Variants in KCNIP4 observed in about 807,000 individuals in gnomAD.
KCNIP4 encodes the protein Kv channel-interacting protein 4.
A neutral mutation model predicts 34.0 loss-of-function variants in KCNIP4; 12 were observed. The observed-to-expected ratio is 0.35, with a 90% confidence interval of 0.23 to 0.57. KCNIP4 has a LOEUF of 0.57. KCNIP4 is among the 20% of genes least tolerant of loss of function. KCNIP4 has a pLI of 0.83. For synonymous variants in KCNIP4, 124 were observed against 102.2 expected (o/e 1.21, Z -1.29); for missense variants, 238 against 311.7 (o/e 0.76, Z 1.78).
At chr4:21,206,579 G>T (rs947842886) in intron 1 of KCNIP4, among the ~76,000 whole-genome samples, 1 of 152,262 alleles carries the variant, frequency 6.6e-6, no homozygotes. Context: ...CTGAGAATCA[G>T]GCCTAGATTC....
At chr4:21,364,974 G>T (rs1463069180) in intron 1 of KCNIP4, among the ~76,000 whole-genome samples, 1 of 152,058 alleles carries the variant, frequency 6.6e-6, no homozygotes, top group African/African-American at 2.4e-5. Flanking sequence ...AGGAATTATG[G>T]TATTCGTTCA....
intron 1 of KCNIP4, among the ~76,000 whole-genome samples, chr4:21,442,231 G>A (rs1419245306): frequency 6.6e-6 from 1 of 151,660 alleles, no homozygotes; most frequent in Non-Finnish European, 1.5e-5. Flanking sequence ...GATTCGCCAG[G>A]AGGAAAAAAA....
intron 1 of KCNIP4, among the ~76,000 whole-genome samples, chr4:21,205,292 A>G (rs1464772972): frequency 1.3e-5 from 2 of 152,108 alleles, no homozygotes; most frequent in African/African-American, 4.8e-5. Flanking sequence ...CTGCATCTTT[A>G]TATCTTTTTT....
In KCNIP4 at chr4:21,696,753, T is replaced by C. The variant is rs551158000; in HGVS notation, c.61+251818A>G. Among the ~76,000 whole-genome samples, 11 of 152,304 alleles carry C rather than the reference T, an allele frequency of 7.2e-5. No individual in the cohort carries two copies. In the South Asian group the frequency reaches 2.1e-3, roughly 29 times the overall value. On this transcript the variant is annotated intron_variant, in intron 1 of 8. Transcript: ENST00000382152. The stretch of plus-strand genomic sequence containing the variant: ...TTAAATAGAATTTCTATTTCAATCA[T>C]GAAAATTTTTAAACATTGAAATCCA...
rs547041473 is a variant in KCNIP4, at chr4:20,729,204, A to C, written c.*878T>G. 5 of 152,004 alleles carry C rather than the reference A, an allele frequency of 3.3e-5. No individual in the cohort carries two copies. In the East Asian group the frequency reaches 1.0e-3, roughly 31 times the overall value. 9.4% of individuals were successfully genotyped at this position (152,004 alleles called of 1,614,324 possible). ...AGATTTGGCCTTTAATGCTGTTAGG[A>C]TTACTTGTTATTAAGCATTACTATA... On this transcript the variant is annotated 3_prime_UTR_variant, in exon 9 of 9. Transcript: ENST00000382152.
chr4:21,182,400 C>T (rs373981109), intron 1 of KCNIP4, among the ~76,000 whole-genome samples: 1 of 147,936 alleles, frequency 6.8e-6, no homozygotes, highest in East Asian at 2.0e-4. Flanking sequence ...TTACTTTCAA[C>T]TTTTCCTCTT....
intron 1 of KCNIP4, among the ~76,000 whole-genome samples, chr4:21,783,934 T>C (rs1024525839): frequency 6.6e-6 from 1 of 152,156 alleles, no homozygotes; most frequent in Non-Finnish European, 1.5e-5. Context: ...TTTCATAAGC[T>C]TTGTAGAAAT....
In KCNIP4 at chr4:21,293,529, AGGCATGAAGTCTAAATG is replaced by A. The variant is rs1763663563; in HGVS notation, c.62-410837_62-410821del. 2.6e-5 allele frequency among the ~76,000 whole-genome samples: 4 copies of A among 152,306 alleles called. No individual in the cohort carries two copies. The South Asian group carries it at 8.3e-4, about 32-fold the overall frequency. On this transcript the variant is annotated intron_variant, in intron 1 of 8. Coordinates refer to ENST00000382152, the MANE Select transcript of KCNIP4 (RefSeq NM_025221.6). Reference sequence around the variant, plus strand: ...CAAATAATCCCATCCTAATTGTGTCAGGCATGAAGTCTAAATGGCCACAGAGATAGGCAGAGAGACAG... The same window carrying A: ...CAAATAATCCCATCCTAATTGTGTCAGCCACAGAGATAGGCAGAGAGACAG...
At chr4:21,669,132 C>T (rs954499884) in intron 1 of KCNIP4, among the ~76,000 whole-genome samples, 4 of 151,844 alleles carry the variant, frequency 2.6e-5, no homozygotes, top group Non-Finnish European at 5.9e-5. Flanking sequence ...TCCCTCCCTC[C>T]CTCCCTTCCT....
At chr4:21,626,322 A>G (rs1745317903) in intron 1 of KCNIP4, among the ~76,000 whole-genome samples, 1 of 151,988 alleles carries the variant, frequency 6.6e-6, no homozygotes, top group South Asian at 2.1e-4. Context: ...TGAGGCCACG[A>G]ATGGTCAGGT....
chr4:21,463,532 C>T (rs66652160), intron 1 of KCNIP4, among the ~76,000 whole-genome samples: 17,795 of 151,366 alleles, frequency 0.12, 1,233 homozygotes, highest in South Asian at 0.16. Context: ...GTTTCTTTCA[C>T]TTAGTATAAT....
At chr4:21,932,002 C>T (rs1401775242) in intron 1 of KCNIP4, among the ~76,000 whole-genome samples, 1 of 151,972 alleles carries the variant, frequency 6.6e-6, no homozygotes, top group African/African-American at 2.4e-5. Flanking sequence ...TTGGGTAGGC[C>T]AATACTGACT....
intron 1 of KCNIP4, among the ~76,000 whole-genome samples, chr4:21,307,757 C>T (rs1448469121): frequency 1.3e-5 from 2 of 151,482 alleles, no homozygotes; most frequent in Non-Finnish European, 2.9e-5. Flanking sequence ...GATTTCCATA[C>T]TTTTTTTTTA....
At chr4:21,760,780 GGTAGCCACAGA>G (rs1238712016) in intron 1 of KCNIP4, among the ~76,000 whole-genome samples, 3 of 151,968 alleles carry the variant, frequency 2.0e-5, no homozygotes, top group Non-Finnish European at 4.4e-5. Context: ...ATTGCTTAAG[GGTAGCCACAGA>G]ATGGTCATGG....
At chr4:21,666,098 C>G (rs1248646137) in intron 1 of KCNIP4, among the ~76,000 whole-genome samples, 1 of 152,134 alleles carries the variant, frequency 6.6e-6, no homozygotes, top group Non-Finnish European at 1.5e-5. Flanking sequence ...TTTAGTTTCC[C>G]TTCAAACATT....
chr4:20,918,123 A>C (rs950186109), intron 1 of KCNIP4, among the ~76,000 whole-genome samples: 1 of 152,080 alleles, frequency 6.6e-6, no homozygotes, highest in Non-Finnish European at 1.5e-5. Flanking sequence ...AATACATTGC[A>C]GAGTTGGACG....
At chr4:21,378,962 T>C (rs1183822085) in intron 1 of KCNIP4, among the ~76,000 whole-genome samples, 1 of 152,156 alleles carries the variant, frequency 6.6e-6, no homozygotes, top group Non-Finnish European at 1.5e-5. Flanking sequence ...CTTCCTATTC[T>C]GTCCAACAGG....
chr4:21,454,708 A>T (rs1006118653), intron 1 of KCNIP4, among the ~76,000 whole-genome samples: 2 of 152,118 alleles, frequency 1.3e-5, no homozygotes, highest in African/African-American at 2.4e-5. Flanking sequence ...GGCAATAAAG[A>T]ATTTTATTCA....
chr4:21,024,782 T>C (rs1210751854), intron 1 of KCNIP4, among the ~76,000 whole-genome samples: 2 of 152,202 alleles, frequency 1.3e-5, no homozygotes, highest in Non-Finnish European at 2.9e-5. Flanking sequence ...CTTTTTTCAA[T>C]AGATCCTATT....
Sources: allele counts gnomAD v4.1 joint callset (sites outside exome capture counted in the v4.1 genomes callset), GRCh38; gene constraint gnomAD v4.1.1; transcripts MANE v1.5; gene names NCBI Gene and HGNC (gene_info 2026-07-23, HGNC 2026-07-21).